CMSS1: variants seen among roughly 807,000 people sequenced by gnomAD.
CMSS1 encodes protein CMSS1.
A neutral mutation model predicts 43.5 loss-of-function variants in CMSS1; 33 were observed. That is an observed-to-expected ratio of 0.76 (90% CI 0.57 to 1.01). The LOEUF (loss-of-function observed/expected upper bound fraction) is 1.01, where lower values mean the gene tolerates loss of function less well. Ranked by LOEUF, CMSS1 falls within the 50% of genes least tolerant of loss-of-function variation. The pLI, the probability that CMSS1 is intolerant of heterozygous loss-of-function variation, is 0.00. For missense variants in CMSS1, 313 were observed against 326.4 expected, an observed-to-expected ratio of 0.96 and a Z score of 0.32; for synonymous variants, 115 against 117.2, an observed-to-expected ratio of 0.98 and a Z score of 0.12.
chr3:100,172,006 C>T (rs2067114266), intron 7 of CMSS1, 107 bp downstream of exon 7: 1 of 850,064 alleles, frequency 1.2e-6, no homozygotes, highest in Non-Finnish European at 1.9e-6. Context: ...TGAGTTCCTT[C>T]CTTATGTAAC....
At chr3:99,820,831 A>T (rs1261442482) in intron 1 of CMSS1, among the ~76,000 whole-genome samples, 1 of 152,234 alleles carries the variant, frequency 6.6e-6, no homozygotes, top group African/African-American at 2.4e-5. Context: ...TATGTGAATT[A>T]TGTTTTGTTT....
At chr3:100,104,657 C>G (rs2066364909) in intron 1 of CMSS1, among the ~76,000 whole-genome samples, 1 of 152,144 alleles carries the variant, frequency 6.6e-6, no homozygotes. Context: ...GGGCCTTTTC[C>G]TGTTTTGCAG....
intron 1 of CMSS1, among the ~76,000 whole-genome samples, chr3:99,845,506 G>C (rs1292275112): frequency 2.0e-5 from 3 of 152,122 alleles, no homozygotes; most frequent in Non-Finnish European, 4.4e-5. Context: ...TTCATATGAA[G>C]ATTTCTGAAG....
At chr3:99,952,345 A>T (rs1482821155) in intron 1 of CMSS1, among the ~76,000 whole-genome samples, 3 of 152,308 alleles carry the variant, frequency 2.0e-5, no homozygotes, top group African/African-American at 7.2e-5. Flanking sequence ...TCACTATACA[A>T]TTCAAACATT....
At chr3:99,866,097 C>T (rs1210014724) in intron 1 of CMSS1, among the ~76,000 whole-genome samples, 1 of 151,482 alleles carries the variant, frequency 6.6e-6, no homozygotes, top group Non-Finnish European at 1.5e-5. Context: ...CCTTTATTCT[C>T]TCCTTTGTAG....
At chr3:99,936,594 T>TTGATCTTGACCTTGTGATC (rs1707683130) in intron 1 of CMSS1, among the ~76,000 whole-genome samples, 1 of 141,356 alleles carries the variant, frequency 7.1e-6, no homozygotes, top group South Asian at 2.3e-4. Flanking sequence ...CAGGATGGTC[T>TTGATCTTGACCTTGTGATC]TGATCTTGAC....
intron 1 of CMSS1, among the ~76,000 whole-genome samples, chr3:100,019,362 A>T (rs1440458293): frequency 1.3e-5 from 2 of 152,228 alleles, no homozygotes; most frequent in Admixed American, 1.3e-4. Flanking sequence ...GGTAAAAGAC[A>T]TAAAAATATG....
intron 2 of CMSS1, among the ~76,000 whole-genome samples, chr3:100,153,596 C>T (rs1282679109): frequency 6.6e-6 from 1 of 152,112 alleles, no homozygotes; most frequent in African/African-American, 2.4e-5. Context: ...TCCCTGGTGT[C>T]TCTTCTTCTT....
At chr3:99,849,471 T>G in intron 1 of CMSS1, 1 of 1,613,916 alleles carries the variant, frequency 6.2e-7, no homozygotes, top group Non-Finnish European at 8.5e-7. Flanking sequence ...GGTGACATAT[T>G]AGGTCTTCAG....
At chr3:99,819,659 A>G (rs1434077776) in intron 1 of CMSS1, among the ~76,000 whole-genome samples, 2 of 152,092 alleles carry the variant, frequency 1.3e-5, no homozygotes, top group Admixed American at 1.3e-4. Flanking sequence ...TTTTCCCGCT[A>G]CTACTTTGTG....
intron 1 of CMSS1, 77 bp from the exon 2 acceptor site, chr3:100,146,896 C>T: frequency 6.5e-7 from 1 of 1,528,086 alleles, no homozygotes; most frequent in Non-Finnish European, 8.8e-7. Context: ...ATAGAACCTT[C>T]TAGAAAGATG....
chr3:99,974,862 A>G (rs1361082536), intron 1 of CMSS1, among the ~76,000 whole-genome samples: 1 of 152,168 alleles, frequency 6.6e-6, no homozygotes, highest in Non-Finnish European at 1.5e-5. Flanking sequence ...TCTCTTTCCT[A>G]CCCCTTGGCA....
chr3:99,888,643 C>T (rs1457943560), intron 1 of CMSS1, among the ~76,000 whole-genome samples: 1 of 152,150 alleles, frequency 6.6e-6, no homozygotes, highest in Non-Finnish European at 1.5e-5. Flanking sequence ...AACCTATCAA[C>T]AATTTTATAT....
chr3:99,821,521 T>C (rs1366350859), intron 1 of CMSS1, among the ~76,000 whole-genome samples: 1 of 152,224 alleles, frequency 6.6e-6, no homozygotes, highest in Non-Finnish European at 1.5e-5. Flanking sequence ...GCATCTAATA[T>C]TTGATTTATT....
At chr3:99,918,711 A>T (rs1707032717) in intron 1 of CMSS1, among the ~76,000 whole-genome samples, 1 of 152,204 alleles carries the variant, frequency 6.6e-6, no homozygotes. Context: ...TGAGGTAATT[A>T]ATCTCTCTGC....
At chr3:99,891,915 A>G (rs1040495862) in intron 1 of CMSS1, among the ~76,000 whole-genome samples, 2 of 152,222 alleles carry the variant, frequency 1.3e-5, no homozygotes, top group South Asian at 2.1e-4. Context: ...TAATAGAAGA[A>G]TCAGTCGGCT....
At chr3:99,931,004 C>A in intron 1 of CMSS1, 2 of 1,613,766 alleles carry the variant, frequency 1.2e-6, no homozygotes, top group Non-Finnish European at 1.7e-6. Context: ...CTCGGTATCA[C>A]TGCCTCTGGA....
chr3:99,882,934 C>G (rs1462791765), intron 1 of CMSS1, among the ~76,000 whole-genome samples: 2 of 152,170 alleles, frequency 1.3e-5, no homozygotes, highest in Non-Finnish European at 2.9e-5. Flanking sequence ...TGTCAAAACC[C>G]TAATGGAGAT....
chr3:99,852,087 G>A (rs1242341639), intron 1 of CMSS1, among the ~76,000 whole-genome samples: 2 of 152,094 alleles, frequency 1.3e-5, no homozygotes, highest in African/African-American at 4.8e-5. Context: ...ATAACAGGAG[G>A]GTATTTTACA....
Sources: allele counts gnomAD v4.1 joint callset (sites outside exome capture counted in the v4.1 genomes callset), GRCh38; gene constraint gnomAD v4.1.1; transcripts MANE v1.5; gene names NCBI Gene and HGNC (gene_info 2026-07-23, HGNC 2026-07-21).